The following PHKB variants were observed in gnomAD, a reference collection of about 807,000 sequenced individuals.
The protein encoded by PHKB is phosphorylase b kinase regulatory subunit beta.
In PHKB, 122 loss-of-function variants were observed where a neutral mutation model predicts 152.1. The ratio of observed to expected loss-of-function variants is 0.80; its 90% confidence interval spans 0.69 to 0.93. PHKB has a LOEUF of 0.93. Ranked by LOEUF, PHKB falls within the 40% of genes least tolerant of loss-of-function variation. The pLI is 0.00. For missense variants in PHKB, 1,304 were observed against 1,328.4 expected, an observed-to-expected ratio of 0.98 and a Z score of 0.29; for synonymous variants, 436 against 464.9, an observed-to-expected ratio of 0.94 and a Z score of 0.80.
intron 13 of PHKB, among the ~76,000 whole-genome samples, chr16:47,599,430 A>T (rs865883014): frequency 6.6e-6 from 1 of 152,222 alleles, no homozygotes; most frequent in Non-Finnish European, 1.5e-5. Context: ...GAGAAGGTGG[A>T]ATTGACTACA....
chr16:47,682,794 C>T lies in PHKB; in HGVS notation c.2631-6247C>T, dbSNP rs147733959. ...AGTCATTCTCTGTCCAGCTTTGTTC[C>T]GTTGCTGGTGAGGAGCTGCATTCCT... On this transcript the variant is annotated intron_variant, in intron 26 of 30. Transcript: ENST00000323584. Among the ~76,000 whole-genome samples the T allele has an allele frequency of 4.6e-3, 695 of 152,322 alleles. 5 individuals carry two copies. Among genetic ancestry groups the T allele is most frequent in the Non-Finnish European group, 7.8e-3 (529 of 68,042 alleles).
chr16:47,478,799 A>G (rs1015294344), intron 1 of PHKB, among the ~76,000 whole-genome samples: 2 of 152,144 alleles, frequency 1.3e-5, no homozygotes, highest in African/African-American at 4.8e-5. Flanking sequence ...AATTAAATTT[A>G]TGTGTTTATA....
At chr16:47,593,388 C>T (rs930328467) in intron 10 of PHKB, 112 bp from the exon 11 acceptor site, 13 of 670,002 alleles carry the variant, frequency 1.9e-5, no homozygotes, top group East Asian at 1.7e-4. Context: ...TGCAGAGAGC[C>T]GTGATTGTGC....
At chr16:47,633,293 A>G (rs1471695415) in intron 14 of PHKB, among the ~76,000 whole-genome samples, 3 of 152,188 alleles carry the variant, frequency 2.0e-5, no homozygotes, top group African/African-American at 4.8e-5. Context: ...GTGTATTGCT[A>G]ATAAATGTAA....
chr16:47,675,519 ACTCT>A (rs397978170), intron 26 of PHKB: 955 of 88,018 alleles, frequency 0.011, 6 homozygotes, highest in Middle Eastern at 0.053. Context: ...ACACACACAC[ACTCT>A]CTCTCTCTCT....
chr16:47,520,857 A>G (rs1970673483), intron 6 of PHKB, among the ~76,000 whole-genome samples: 1 of 152,150 alleles, frequency 6.6e-6, no homozygotes, highest in South Asian at 2.1e-4. Context: ...AAAGCTTTTT[A>G]TTAATTTTGA....
At chr16:47,602,290 A>C (rs184365922) in intron 13 of PHKB, among the ~76,000 whole-genome samples, 7 of 152,300 alleles carry the variant, frequency 4.6e-5, no homozygotes, top group Non-Finnish European at 2.9e-5. Context: ...GCTACTTTTA[A>C]AGTGATAAAA....
intron 10 of PHKB, among the ~76,000 whole-genome samples, chr16:47,593,178 AGAGAGAGGGAGG>A: frequency 7.3e-6 from 1 of 136,956 alleles, no homozygotes; most frequent in South Asian, 2.7e-4. Context: ...AGGGAGAGAG[AGAGAGAGGGAGG>A]GAGAGAGAGA....
At chr16:47,669,487 C>T in intron 26 of PHKB, 70 bp downstream of exon 26, 1 of 1,340,920 alleles carries the variant, frequency 7.5e-7, no homozygotes. Flanking sequence ...CCGGCCTCTC[C>T]AAGTGAAGCA....
chr16:47,521,524 G>A (rs915871391), intron 6 of PHKB, among the ~76,000 whole-genome samples: 11 of 152,010 alleles, frequency 7.2e-5, no homozygotes, highest in Admixed American at 1.3e-4. Flanking sequence ...GCTTGGTGGC[G>A]TACACCTGTA....
intron 1 of PHKB, among the ~76,000 whole-genome samples, chr16:47,461,695 C>G (rs1418292945): frequency 6.6e-6 from 1 of 152,174 alleles, no homozygotes; most frequent in Non-Finnish European, 1.5e-5. Context: ...TCCGGACTTC[C>G]CTTAGAGTCT....
Position 47,661,730 on chromosome 16 carries a change from T to C in PHKB, c.2208T>C (p.Cys736=), listed in dbSNP as rs772024186. ...EILQKLNDCS[C]LASQAILLGI... ...ATTTATATTTTCAGGATTGCAGTTG[T>C]CTGGCTAGCCAAGCCATCCTGCTGG... Residue 736 remains cysteine, a synonymous_variant, in exon 23 of 31, where the codon TGT becomes TGC. Coordinates refer to ENST00000323584, the MANE Select transcript of PHKB (RefSeq NM_000293.3). 1.9e-6 allele frequency: 3 copies of C among 1,611,992 alleles called. No homozygotes were observed. The highest frequency in any genetic ancestry group is 2.5e-6 in the Non-Finnish European group (3 of 1,178,114).
intron 26 of PHKB, chr16:47,675,519 A>ACTCTCTCTCT (rs397978170): frequency 2.3e-5 from 2 of 88,094 alleles, no homozygotes; most frequent in African/African-American, 6.2e-5. Flanking sequence ...ACACACACAC[A>ACTCTCTCTCT]CTCTCTCTCT....
At chr16:47,543,109 C>A (rs975872612) in intron 6 of PHKB, among the ~76,000 whole-genome samples, 1 of 152,134 alleles carries the variant, frequency 6.6e-6, no homozygotes, top group Non-Finnish European at 1.5e-5. Flanking sequence ...CCAGTTTTTG[C>A]CCATTCAGTG....
intron 6 of PHKB, 125 bp downstream of exon 6, chr16:47,515,726 ATAG>A (rs747786016): frequency 1.3e-5 from 9 of 666,790 alleles, no homozygotes; most frequent in Non-Finnish European, 2.4e-5. Context: ...ATATAATCAG[ATAG>A]TAGATGTTGG....
chr16:47,502,949 A>G (rs781404115), intron 3 of PHKB, 42 bp from the exon 4 acceptor site: 4 of 1,268,192 alleles, frequency 3.2e-6, no homozygotes, highest in African/African-American at 2.9e-5. Context: ...TCCTTTTCAA[A>G]TGCATTTCCA....
At chr16:47,614,844 C>T (rs79153669) in intron 14 of PHKB, among the ~76,000 whole-genome samples, 2,032 of 152,206 alleles carry the variant, frequency 0.013, 19 homozygotes, top group Non-Finnish European at 0.022. Context: ...TTCTGAATGT[C>T]CCAGCCTTCT....
At chr16:47,516,397 A>G (rs116923583) in intron 6 of PHKB, among the ~76,000 whole-genome samples, 1 of 152,222 alleles carries the variant, frequency 6.6e-6, no homozygotes, top group Non-Finnish European at 1.5e-5. Flanking sequence ...TAAAGAATTC[A>G]TATCCCAAAG....
chr16:47,501,777 A>G (rs1207420776), intron 3 of PHKB, among the ~76,000 whole-genome samples: 1 of 152,234 alleles, frequency 6.6e-6, no homozygotes, highest in African/African-American at 2.4e-5. Context: ...ATACAAGAGG[A>G]TAGGCAGCAT....
Sources: gnomAD v4.1 joint callset for allele counts (sites outside exome capture counted in the v4.1 genomes callset) on GRCh38, gnomAD v4.1.1 for gene constraint, MANE v1.5 for transcripts, NCBI Gene and HGNC (gene_info 2026-07-23, HGNC 2026-07-21) for gene names.